DOCK4: variants seen among roughly 807,000 people sequenced by gnomAD.
DOCK4 encodes dedicator of cytokinesis 4.
A neutral mutation model predicts 268.1 loss-of-function variants in DOCK4; 97 were observed. The ratio of observed to expected loss-of-function variants is 0.36; its 90% confidence interval spans 0.31 to 0.43. DOCK4 has a LOEUF of 0.43. Ranked by LOEUF, DOCK4 falls within the 20% of genes least tolerant of loss-of-function variation. The pLI is 1.00. For synonymous variants in DOCK4, 954 were observed against 887.2 expected, an observed-to-expected ratio of 1.08 and a Z score of -1.34; for missense variants, 2,145 against 2,455.7, an observed-to-expected ratio of 0.87 and a Z score of 2.67.
chr7:112,061,232 C>T (rs921028062), intron 1 of DOCK4, among the ~76,000 whole-genome samples: 7 of 152,288 alleles, frequency 4.6e-5, no homozygotes, highest in African/African-American at 7.2e-5. Flanking sequence ...ATGGTTACAG[C>T]CCCACACACA....
chr7:111,983,696 T>C (rs1728562269), intron 7 of DOCK4, among the ~76,000 whole-genome samples: 1 of 151,894 alleles, frequency 6.6e-6, no homozygotes, highest in Non-Finnish European at 1.5e-5. Context: ...GGCAATATGA[T>C]CAAATATTTT....
At chr7:111,866,361 C>G (rs1175809405) in intron 22 of DOCK4, among the ~76,000 whole-genome samples, 1 of 152,176 alleles carries the variant, frequency 6.6e-6, no homozygotes, top group Non-Finnish European at 1.5e-5. Flanking sequence ...ATTATCACAT[C>G]AAAATATATA....
intron 16 of DOCK4, among the ~76,000 whole-genome samples, chr7:111,889,165 A>G (rs886287949): frequency 2.0e-5 from 3 of 152,096 alleles, no homozygotes; most frequent in Admixed American, 6.5e-5. Flanking sequence ...GTTCAGCTTG[A>G]TATGTTTTTA....
At chr7:111,730,465 C>T (rs913272583) in intron 52 of DOCK4, among the ~76,000 whole-genome samples, 1 of 152,148 alleles carries the variant, frequency 6.6e-6, no homozygotes, top group African/African-American at 2.4e-5. Flanking sequence ...AACAAAATAA[C>T]GCTGGTAGAT....
chr7:112,052,259 T>C (rs976389779), intron 1 of DOCK4, among the ~76,000 whole-genome samples: 4 of 152,168 alleles, frequency 2.6e-5, no homozygotes, highest in Non-Finnish European at 5.9e-5. Context: ...CCAATGGATA[T>C]AGAATGTTGA....
rs150702267 is a variant in DOCK4, at chr7:112,013,706, G to C, written c.38-9575C>G. Among the ~76,000 whole-genome samples, 210 of 152,338 alleles carry C rather than the reference G, an allele frequency of 1.4e-3. 1 individual carries two copies. The highest frequency in any genetic ancestry group is 4.7e-3 in the African/African-American group (195 of 41,572). On this transcript the variant is annotated intron_variant, in intron 1 of 52. Transcript: ENST00000428084. ...AGACCAGCAAACAGGTTTTGTATGA[G>C]CAATAAAGCTTTTGCAAGTCACAGG...
chr7:112,200,846 T>C (rs17159357), intron 1 of DOCK4, among the ~76,000 whole-genome samples: 2,689 of 151,966 alleles, frequency 0.018, 39 homozygotes, highest in Non-Finnish European at 0.026. Context: ...AACATTTTTA[T>C]AGACCATTCC....
chr7:111,950,581 C>T (rs991857523), intron 8 of DOCK4, among the ~76,000 whole-genome samples: 3 of 152,104 alleles, frequency 2.0e-5, no homozygotes, highest in Admixed American at 6.6e-5. Context: ...TTTGATAAGA[C>T]TAACCAAATA....
At position 111,728,330 on chromosome 7, in the gene DOCK4, T is replaced by A. The variant is rs747780447; in HGVS notation, c.5872A>T (p.Arg1958Trp). Residue 1958 changes from arginine to tryptophan, a missense_variant, in exon 53 of 53, where the codon AGG becomes TGG. Around this residue, in one of 2 missense-constraint regions of DOCK4, gnomAD observed 547 missense variants for 469.0 expected, o/e 1.17. Transcript: ENST00000428084. ...RSSHLENGAR[R>W]TDPGPRPRPL... ...CTGGGCCGCGGGCCGGGGTCAGTCC[T>A]CCGGGCCCCATTCTCCAGGTGGCTG... 1.6e-5 allele frequency: 24 copies of A among 1,518,490 alleles called. No homozygotes were observed. Among genetic ancestry groups the A allele is most frequent in the Non-Finnish European group, 2.1e-5 (24 of 1,135,746 alleles). 94.1% of individuals were successfully genotyped at this position (1,518,490 alleles called of 1,614,324 possible).
intron 15 of DOCK4, among the ~76,000 whole-genome samples, chr7:111,898,292 C>T (rs1790835704): frequency 6.6e-6 from 1 of 152,184 alleles, no homozygotes; most frequent in African/African-American, 2.4e-5. Context: ...ATCTTCTTTC[C>T]CCAGACAGAA....
At chr7:112,180,768 G>A (rs1475233976) in intron 1 of DOCK4, among the ~76,000 whole-genome samples, 1 of 152,200 alleles carries the variant, frequency 6.6e-6, no homozygotes, top group Non-Finnish European at 1.5e-5. Flanking sequence ...CACCACCTTA[G>A]GGGCAGGGGT....
intron 1 of DOCK4, among the ~76,000 whole-genome samples, chr7:112,027,183 G>C (rs1363833756): frequency 1.3e-5 from 2 of 152,126 alleles, no homozygotes; most frequent in Admixed American, 1.3e-4. Context: ...ACTGTGTGTA[G>C]AGACAGGCTA....
intron 1 of DOCK4, among the ~76,000 whole-genome samples, chr7:112,147,988 G>A (rs1318950836): frequency 6.6e-6 from 1 of 151,392 alleles, no homozygotes; most frequent in African/African-American, 2.4e-5. Context: ...AAGCACACAT[G>A]CTCTCTCCCT....
chr7:111,959,619 C>G (rs1275847724), intron 8 of DOCK4, among the ~76,000 whole-genome samples: 2 of 152,126 alleles, frequency 1.3e-5, no homozygotes, highest in Non-Finnish European at 2.9e-5. Context: ...TAGTCTGGGC[C>G]AAATAACAAT....
intron 1 of DOCK4, among the ~76,000 whole-genome samples, chr7:112,156,853 G>C (rs1202810525): frequency 6.6e-6 from 1 of 152,052 alleles, no homozygotes; most frequent in Admixed American, 6.6e-5. Flanking sequence ...GAATATATAA[G>C]TAAAGACAAA....
intron 1 of DOCK4, among the ~76,000 whole-genome samples, chr7:112,126,395 G>A (rs974705777): frequency 2.0e-5 from 3 of 152,158 alleles, no homozygotes; most frequent in African/African-American, 7.2e-5. Flanking sequence ...AGAGTGGTGA[G>A]TTAAACACCA....
chr7:111,833,868 TAAAAGC>T (rs1029964295), intron 26 of DOCK4, among the ~76,000 whole-genome samples: 2 of 152,170 alleles, frequency 1.3e-5, no homozygotes, highest in Non-Finnish European at 2.9e-5. Flanking sequence ...CCACCCAGCT[TAAAAGC>T]AACAATTCTA....
At chr7:111,801,403 G>A (rs1052949818) in intron 30 of DOCK4, among the ~76,000 whole-genome samples, 2 of 151,996 alleles carry the variant, frequency 1.3e-5, no homozygotes, top group East Asian at 3.9e-4. Flanking sequence ...TAAACTTTTC[G>A]CTCCTTAAAA....
At chr7:111,903,622 T>C (rs1791329030) in intron 13 of DOCK4, among the ~76,000 whole-genome samples, 1 of 152,224 alleles carries the variant, frequency 6.6e-6, no homozygotes, top group South Asian at 2.1e-4. Flanking sequence ...ATGTTATTTA[T>C]TTAACAATTC....
Sources: allele counts gnomAD v4.1 joint callset (sites outside exome capture counted in the v4.1 genomes callset), GRCh38; gene constraint gnomAD v4.1.1; regional missense constraint gnomAD v4.1.1; transcripts MANE v1.5; gene names NCBI Gene and HGNC (gene_info 2026-07-23, HGNC 2026-07-21).